WIPF1: variants seen among roughly 807,000 people sequenced by gnomAD.
WIPF1 encodes WAS/WASL-interacting protein family member 1.
A neutral mutation model predicts 35.4 loss-of-function variants in WIPF1; 13 were observed. The observed-to-expected ratio is 0.37, with a 90% CI of 0.24 to 0.58. The LOEUF (loss-of-function observed/expected upper bound fraction) is 0.58. Ranked by LOEUF, WIPF1 falls within the 20% of genes least tolerant of loss-of-function variation. The pLI is 0.74. For synonymous variants in WIPF1, 267 were observed against 266.3 expected (o/e 1.00, Z -0.02); for missense variants, 591 against 667.0 (o/e 0.89, Z 1.25).
chr2:174,657,494 A>G (rs954566655), intron 1 of WIPF1, among the ~76,000 whole-genome samples: 1 of 152,218 alleles, frequency 6.6e-6, no homozygotes, highest in African/African-American at 2.4e-5. Flanking sequence ...CTCCAGAACT[A>G]AGTGACAGAA....
chr2:174,609,009 CTAGGGGCCCTCTGACTG>C (rs995914302), intron 1 of WIPF1, among the ~76,000 whole-genome samples: 93 of 152,282 alleles, frequency 6.1e-4, no homozygotes, highest in African/African-American at 2.0e-3. Context: ...TAAGACTCCC[CTAGGGGCCCTCTGACTG>C]CATATAAGCC....
intron 1 of WIPF1, among the ~76,000 whole-genome samples, chr2:174,661,330 C>A (rs189631959): frequency 6.6e-6 from 1 of 152,168 alleles, no homozygotes; most frequent in Admixed American, 6.5e-5. Context: ...ACATTAAGGT[C>A]CTCAGAGACC....
chr2:174,606,808 G>GT (rs1448232253), intron 1 of WIPF1, among the ~76,000 whole-genome samples: 1 of 152,170 alleles, frequency 6.6e-6, no homozygotes, highest in Non-Finnish European at 1.5e-5. Context: ...CAGTAAAGAA[G>GT]TTTTAAATTA....
At chr2:174,584,622 G>A (rs1000725298) in intron 2 of WIPF1, among the ~76,000 whole-genome samples, 2 of 152,142 alleles carry the variant, frequency 1.3e-5, no homozygotes, top group Non-Finnish European at 2.9e-5. Flanking sequence ...TATCAAAGGA[G>A]CAGGATGAGC....
At chr2:174,642,014 C>G (rs927237086) in intron 1 of WIPF1, among the ~76,000 whole-genome samples, 2 of 152,138 alleles carry the variant, frequency 1.3e-5, no homozygotes, top group Non-Finnish European at 2.9e-5. Context: ...CTACTCTTTG[C>G]TATAGAGAGA....
chr2:174,662,182 G>C (rs183472199), intron 1 of WIPF1, among the ~76,000 whole-genome samples: 11 of 152,146 alleles, frequency 7.2e-5, no homozygotes, highest in African/African-American at 2.7e-4. Context: ...TTAAAGCATC[G>C]CTAGATTACT....
In WIPF1 at chr2:174,560,983, G is replaced by A. The variant is rs559372295; in HGVS notation, c.*1564C>T. The A allele has an allele frequency of 2.0e-5, 3 of 152,634 alleles. No homozygotes were observed. Among genetic ancestry groups the A allele is most frequent in the Admixed American group, 2.0e-4 (3 of 15,290 alleles). The allele number at this position is 152,634 out of a possible 1,614,324, so 9.5% of individuals were successfully genotyped here. A position where few individuals can be genotyped will look rare whatever the true frequency, so the allele number is the denominator to read the frequency against. On this transcript the variant is annotated 3_prime_UTR_variant, in exon 8 of 8. Transcript: ENST00000679041. ...TATACATATACATATGTGGTCATGT[G>A]TTTTTAAAAAACAAGTAATGGTAAT... is the stretch of plus-strand genomic sequence containing the variant.
chr2:174,609,327 C>T lies in WIPF1; in HGVS notation c.-38-23716G>A, dbSNP rs537989876. ...GTTATTGCACTGTTGTATTCATTCC[C>T]TGTATTTTCCGGTAATGCAAATGTC... On this transcript the variant is annotated intron_variant, in intron 1 of 8. Transcript: ENST00000272746. Among the ~76,000 whole-genome samples the T allele has an allele frequency of 2.0e-5, 3 of 152,318 alleles. No homozygotes were observed. In the East Asian group the frequency reaches 5.8e-4, roughly 29 times the overall value.
intron 1 of WIPF1, among the ~76,000 whole-genome samples, chr2:174,595,309 A>T (rs1559155747): frequency 2.0e-5 from 3 of 147,440 alleles, no homozygotes; most frequent in Non-Finnish European, 1.5e-5. Context: ...AAAAAAAAAA[A>T]ACAGAAAAGA....
chr2:174,595,105 AAAAAATAT>A (rs1685758266), intron 1 of WIPF1, among the ~76,000 whole-genome samples: 1 of 40,568 alleles, frequency 2.5e-5, no homozygotes, highest in Non-Finnish European at 4.7e-5. Context: ...AAAAAAAAAA[AAAAAATAT>A]ATATATATAT....
intron 1 of WIPF1, among the ~76,000 whole-genome samples, chr2:174,662,602 TA>T (rs1687802374): frequency 6.6e-6 from 1 of 152,344 alleles, no homozygotes; most frequent in African/African-American, 2.4e-5. Flanking sequence ...CGTGAGTTTC[TA>T]GTAAGTGTTT....
intron 7 of WIPF1, among the ~76,000 whole-genome samples, chr2:174,563,224 A>G (rs1397697934): frequency 6.6e-6 from 1 of 152,196 alleles, no homozygotes; most frequent in East Asian, 1.9e-4. Context: ...CAGTTTCATA[A>G]AAGTTAGTGA....
At chr2:174,576,899 A>C (rs1442278075) in intron 3 of WIPF1, among the ~76,000 whole-genome samples, 1 of 152,212 alleles carries the variant, frequency 6.6e-6, no homozygotes, top group Non-Finnish European at 1.5e-5. Context: ...TCCTCTTCCC[A>C]AAAAACTATG....
intron 1 of WIPF1, among the ~76,000 whole-genome samples, chr2:174,633,988 C>T (rs1488695723): frequency 6.6e-6 from 1 of 152,098 alleles, no homozygotes; most frequent in African/African-American, 2.4e-5. Flanking sequence ...AAAAAGGAAA[C>T]TTAAGAATTT....
At chr2:174,656,477 G>C (rs1687642967) in intron 1 of WIPF1, among the ~76,000 whole-genome samples, 1 of 152,166 alleles carries the variant, frequency 6.6e-6, no homozygotes, top group African/African-American at 2.4e-5. Context: ...ACAGGAAATA[G>C]AGGAACTCAT....
At chr2:174,582,570 A>G (rs552415183) in intron 2 of WIPF1, among the ~76,000 whole-genome samples, 1 of 152,364 alleles carries the variant, frequency 6.6e-6, no homozygotes, top group African/African-American at 2.4e-5. Flanking sequence ...TTTTAGAGAC[A>G]GAGTCTCATT....
intron 1 of WIPF1, among the ~76,000 whole-genome samples, chr2:174,606,801 TAAAGAAG>T (rs1254918766): frequency 6.6e-6 from 1 of 152,180 alleles, no homozygotes; most frequent in Non-Finnish European, 1.5e-5. Context: ...GATACTGCAG[TAAAGAAG>T]TTTTAAATTA....
At chr2:174,641,506 C>T (rs535301772) in intron 1 of WIPF1, among the ~76,000 whole-genome samples, 15 of 152,164 alleles carry the variant, frequency 9.9e-5, no homozygotes, top group African/African-American at 2.7e-4. Context: ...GCTAATGAAC[C>T]GCTGTTATTT....
chr2:174,665,952 C>T (rs1687882644), intron 1 of WIPF1, among the ~76,000 whole-genome samples: 1 of 152,220 alleles, frequency 6.6e-6, no homozygotes, highest in Non-Finnish European at 1.5e-5. Context: ...AAACTCTAAC[C>T]CATACCACTT....
Sources: allele counts gnomAD v4.1 joint callset (sites outside exome capture counted in the v4.1 genomes callset), GRCh38; gene constraint gnomAD v4.1.1; transcripts MANE v1.5; gene names NCBI Gene and HGNC (gene_info 2026-07-23, HGNC 2026-07-21).